Variants in LMBRD1 observed in about 807,000 individuals in gnomAD.
The protein encoded by LMBRD1 is lysosomal cobalamin transport escort protein LMBD1.
In LMBRD1, 64 loss-of-function variants were observed where a neutral mutation model predicts 74.8. The ratio of observed to expected loss-of-function variants is 0.86; its 90% confidence interval spans 0.70 to 1.05. LMBRD1 has a LOEUF of 1.05. Among genes scored for constraint, LMBRD1 ranks in the 50% least tolerant of loss-of-function variants. LMBRD1 has a pLI of 0.00. For missense variants in LMBRD1, 652 were observed against 645.9 expected (o/e 1.01, Z -0.10); for synonymous variants, 204 against 216.3 (o/e 0.94, Z 0.50).
At chr6:69,704,432 T>G (rs1211671388) in intron 9 of LMBRD1, among the ~76,000 whole-genome samples, 3 of 152,120 alleles carry the variant, frequency 2.0e-5, no homozygotes, top group Non-Finnish European at 4.4e-5. Flanking sequence ...TATATTTTAT[T>G]CAATTAGTTA....
At chr6:69,732,276 G>A (rs907661046) in intron 7 of LMBRD1, among the ~76,000 whole-genome samples, 2 of 152,232 alleles carry the variant, frequency 1.3e-5, no homozygotes, top group Non-Finnish European at 1.5e-5. Flanking sequence ...TGAGTCATGA[G>A]GGTGAATCCC....
chr6:69,697,344 A>T (rs887540828), intron 14 of LMBRD1, among the ~76,000 whole-genome samples: 7 of 152,060 alleles, frequency 4.6e-5, no homozygotes, highest in Admixed American at 6.6e-5. Context: ...TAAATAAAAT[A>T]AATAAAAAAT....
At chr6:69,708,892 C>T (rs114743470) in intron 9 of LMBRD1, among the ~76,000 whole-genome samples, 112 of 152,202 alleles carry the variant, frequency 7.4e-4, no homozygotes, top group Middle Eastern at 3.4e-3. Flanking sequence ...GGCAAGTGGA[C>T]CTAGATCCAC....
In LMBRD1 at chr6:69,793,020, C is replaced by A. The variant is rs77485469; in HGVS notation, c.70-2548G>T. 7.2e-5 allele frequency among the ~76,000 whole-genome samples: 11 copies of A among 152,170 alleles called. No homozygotes were observed. In the East Asian group the frequency reaches 1.3e-3, roughly 19 times the overall value. On this transcript the variant is annotated intron_variant, in intron 1 of 15. Transcript: ENST00000649934. ...ACAATATAAAATAAAACCAAGTATC[C>A]TCGTCTATAGGAATACTTCTTTCAT...
At chr6:69,695,046 A>C (rs1178676757) in intron 14 of LMBRD1, among the ~76,000 whole-genome samples, 1 of 152,112 alleles carries the variant, frequency 6.6e-6, no homozygotes, top group African/African-American at 2.4e-5. Flanking sequence ...TTACTATCTG[A>C]GGCCATATCC....
chr6:69,755,932 A>AT (rs1765258312), intron 3 of LMBRD1, among the ~76,000 whole-genome samples: 1 of 152,230 alleles, frequency 6.6e-6, no homozygotes, highest in Non-Finnish European at 1.5e-5. Flanking sequence ...ATCTTGTGTG[A>AT]TAAACAATCT....
intron 3 of LMBRD1, 133 bp from the exon 4 acceptor site, chr6:69,752,489 T>C: frequency 2.8e-6 from 2 of 723,368 alleles, no homozygotes; most frequent in South Asian, 1.8e-5. Flanking sequence ...TAACTCTTTC[T>C]ATATAGTACA....
Position 69,737,925 on chromosome 6 carries a change from ATCCCC to A in LMBRD1, c.636+12_636+16del. 1.3e-6 allele frequency: 2 copies of A among 1,575,562 alleles called. No individual in the cohort carries two copies. The highest frequency in any genetic ancestry group is 8.7e-7 in the Non-Finnish European group (1 of 1,147,018). ...TTTATAAGGCAATTTTAACTCAATT[ATCCCC>A]ATTTCACTTACTGTGTAAGTTATAG... On this transcript the variant is annotated intron_variant, in intron 7 of 15. Coordinates refer to ENST00000649934, the MANE Select transcript of LMBRD1 (RefSeq NM_018368.4).
chr6:69,701,612 T>C, intron 10 of LMBRD1, 67 bp from the exon 11 acceptor site: 1 of 1,007,600 alleles, frequency 9.9e-7, no homozygotes, highest in South Asian at 1.4e-5. Context: ...TTAGAAAAAA[T>C]ATAATTTAAG....
chr6:69,787,001 T>C (rs552211832), intron 2 of LMBRD1, among the ~76,000 whole-genome samples: 11 of 152,360 alleles, frequency 7.2e-5, no homozygotes, highest in African/African-American at 2.6e-4. Context: ...TAAATATTAT[T>C]ATACATTAGC....
chr6:69,682,114 T>C (rs1258354572), intron 14 of LMBRD1, among the ~76,000 whole-genome samples: 1 of 151,702 alleles, frequency 6.6e-6, no homozygotes, highest in Non-Finnish European at 1.5e-5. Context: ...ACTAATGAAA[T>C]ACATCCAAAT....
At chr6:69,703,820 C>A (rs1347901385) in intron 9 of LMBRD1, among the ~76,000 whole-genome samples, 1 of 152,092 alleles carries the variant, frequency 6.6e-6, no homozygotes, top group Non-Finnish European at 1.5e-5. Context: ...ACACTTCACT[C>A]ATATTCTCCA....
At chr6:69,786,596 G>T (rs553917581) in intron 2 of LMBRD1, among the ~76,000 whole-genome samples, 17 of 151,918 alleles carry the variant, frequency 1.1e-4, no homozygotes, top group Non-Finnish European at 2.2e-4. Context: ...ACTCTAAAAG[G>T]TTCTCTTCTG....
intron 3 of LMBRD1, among the ~76,000 whole-genome samples, chr6:69,771,459 T>A (rs1765575471): frequency 6.6e-6 from 1 of 152,130 alleles, no homozygotes; most frequent in South Asian, 2.1e-4. Context: ...AGAAGTGACA[T>A]CCCATCAGCA....
chr6:69,746,135 T>C (rs1261195613), intron 5 of LMBRD1: 2 of 162,330 alleles, frequency 1.2e-5, no homozygotes, highest in Non-Finnish European at 2.7e-5. Flanking sequence ...AATGGGGTGA[T>C]TTGGGCGCTG....
chr6:69,708,224 T>G (rs1407820341), intron 9 of LMBRD1, among the ~76,000 whole-genome samples: 1 of 152,160 alleles, frequency 6.6e-6, no homozygotes, highest in Non-Finnish European at 1.5e-5. Context: ...CAATATTATA[T>G]ATAAAGGCTG....
At chr6:69,725,831 G>C (rs1331660947) in intron 7 of LMBRD1, among the ~76,000 whole-genome samples, 2 of 152,136 alleles carry the variant, frequency 1.3e-5, no homozygotes, top group East Asian at 1.9e-4. Flanking sequence ...TCTGGATAAA[G>C]CTTCTTAAGT....
intron 7 of LMBRD1, among the ~76,000 whole-genome samples, chr6:69,736,472 C>T (rs1390894898): frequency 6.6e-6 from 1 of 152,166 alleles, no homozygotes; most frequent in African/African-American, 2.4e-5. Flanking sequence ...ATGGCTACTG[C>T]TATTGCTGTG....
chr6:69,774,846 C>T (rs3778244), intron 3 of LMBRD1, among the ~76,000 whole-genome samples: 51,060 of 151,056 alleles, frequency 0.34, 9,673 homozygotes, highest in East Asian at 0.54. Flanking sequence ...TAATCCCAAC[C>T]CTTTGAGAGG....
Sources: gnomAD v4.1 joint callset for allele counts (sites outside exome capture counted in the v4.1 genomes callset) on GRCh38, gnomAD v4.1.1 for gene constraint, MANE v1.5 for transcripts, NCBI Gene and HGNC (gene_info 2026-07-23, HGNC 2026-07-21) for gene names.